Variants in GALNT13 observed in about 807,000 individuals in gnomAD.
The protein encoded by GALNT13 is polypeptide N-acetylgalactosaminyltransferase 13.
GALNT13 carries 28 observed loss-of-function variants against 64.2 expected under a neutral mutation model. The observed-to-expected ratio is 0.44, with a 90% confidence interval of 0.32 to 0.60. The LOEUF is 0.60. Ranked by LOEUF, GALNT13 falls within the 20% of genes least tolerant of loss-of-function variation. GALNT13 has a pLI of 0.05. For missense variants in GALNT13, 577 were observed against 669.8 expected, an observed-to-expected ratio of 0.86 and a Z score of 1.53; for synonymous variants, 214 against 224.6, an observed-to-expected ratio of 0.95 and a Z score of 0.42.
the GALNT13 span, among the ~76,000 whole-genome samples, chr2:153,645,367 T>C: frequency 6.6e-6 from 1 of 152,122 alleles, no homozygotes; most frequent in East Asian, 1.9e-4. Flanking sequence ...GTTTAGAACA[T>C]AGTTGATTTT....
chr2:153,872,625 G>A (rs954510941), intron 1 of GALNT13, among the ~76,000 whole-genome samples: 1 of 99,860 alleles, frequency 1.0e-5, no homozygotes, highest in Admixed American at 1.2e-4. Flanking sequence ...GTGGCGGGGG[G>A]GGGGGGGGGA....
intron 3 of GALNT13, among the ~76,000 whole-genome samples, chr2:153,953,473 C>CA (rs1692345274): frequency 6.6e-6 from 1 of 152,012 alleles, no homozygotes; most frequent in Admixed American, 6.6e-5. Flanking sequence ...GGAACTGAGA[C>CA]AAAGAGAGGG....
At chr2:153,335,983 G>A in the GALNT13 span, among the ~76,000 whole-genome samples, 1 of 152,200 alleles carries the variant, frequency 6.6e-6, no homozygotes. Context: ...TTGGGCTATG[G>A]CTTCAGAGAG....
At chr2:153,779,503 C>A in the GALNT13 span, among the ~76,000 whole-genome samples, 183 of 152,270 alleles carry the variant, frequency 1.2e-3, no homozygotes, top group African/African-American at 4.3e-3. Flanking sequence ...AAATTAAGTA[C>A]AATAGAATTA....
At chr2:153,114,742 A>G in the GALNT13 span, among the ~76,000 whole-genome samples, 1 of 152,112 alleles carries the variant, frequency 6.6e-6, no homozygotes, top group African/African-American at 2.4e-5. Context: ...GCTATCATTG[A>G]TTTGTCAATG....
At chr2:153,362,731 C>G in the GALNT13 span, among the ~76,000 whole-genome samples, 5 of 152,076 alleles carry the variant, frequency 3.3e-5, no homozygotes, top group Admixed American at 1.3e-4. Context: ...CACCCAGGTT[C>G]GTTCATAAAA....
the GALNT13 span, among the ~76,000 whole-genome samples, chr2:153,353,355 C>A: frequency 1.3e-5 from 2 of 152,112 alleles, no homozygotes; most frequent in African/African-American, 4.8e-5. Flanking sequence ...TTTTTGTCAA[C>A]TCTTTCATAT....
the GALNT13 span, among the ~76,000 whole-genome samples, chr2:153,381,674 C>T: frequency 6.6e-6 from 1 of 151,976 alleles, no homozygotes; most frequent in Non-Finnish European, 1.5e-5. Context: ...AAATATGTGT[C>T]CAAATCTTGG....
rs1701860999 is a variant in GALNT13, at chr2:154,451,253, C to G, written c.*702C>G. The G allele has an allele frequency of 6.6e-6, 1 of 152,132 alleles. No individual in the cohort carries two copies. Among genetic ancestry groups the G allele is most frequent in the Non-Finnish European group, 1.5e-5 (1 of 68,026 alleles). 9.4% of individuals were successfully genotyped at this position (152,132 alleles called of 1,614,324 possible). On this transcript the variant is annotated 3_prime_UTR_variant, in exon 13 of 13. Coordinates refer to ENST00000392825, the MANE Select transcript of GALNT13 (RefSeq NM_052917.4). Reference sequence around the variant, plus strand: ...AGTCTAATCCGCAGCACTTCGATCACTGTGAGAGAACTCAAAGTGGGTTGC... The same window carrying G: ...AGTCTAATCCGCAGCACTTCGATCAGTGTGAGAGAACTCAAAGTGGGTTGC...
chr2:153,462,712 T>C, the GALNT13 span, among the ~76,000 whole-genome samples: 10 of 152,264 alleles, frequency 6.6e-5, no homozygotes, highest in African/African-American at 2.4e-4. Context: ...CTATGCAGCC[T>C]CCACTCCCAA....
chr2:154,155,243 A>G (rs547001956), intron 4 of GALNT13, among the ~76,000 whole-genome samples: 1 of 152,192 alleles, frequency 6.6e-6, no homozygotes, highest in African/African-American at 2.4e-5. Context: ...TATTATTAAA[A>G]TAATTGTGCA....
chr2:153,106,463 A>G, the GALNT13 span, among the ~76,000 whole-genome samples: 107 of 152,240 alleles, frequency 7.0e-4, no homozygotes, highest in Admixed American at 2.4e-3. Flanking sequence ...AGAACCAGAG[A>G]GTAGTGGCTA....
At chr2:154,303,251 A>T (rs1693545999) in intron 9 of GALNT13, among the ~76,000 whole-genome samples, 1 of 151,828 alleles carries the variant, frequency 6.6e-6, no homozygotes, top group African/African-American at 2.4e-5. Flanking sequence ...CCAGAGTCGG[A>T]TGCGCGCGAT....
intron 4 of GALNT13, among the ~76,000 whole-genome samples, chr2:154,180,617 A>G (rs1259903675): frequency 6.6e-6 from 1 of 152,134 alleles, no homozygotes; most frequent in Non-Finnish European, 1.5e-5. Context: ...AAAAATCACC[A>G]TGCATAATAA....
At chr2:154,269,902 A>G (rs976049099) in intron 8 of GALNT13, among the ~76,000 whole-genome samples, 60 of 72,966 alleles carry the variant, frequency 8.2e-4, no homozygotes, top group African/African-American at 2.0e-3. Context: ...ATTTATATAT[A>G]TGTGTATATA....
chr2:153,366,720 GACACACACACAC>G, the GALNT13 span, among the ~76,000 whole-genome samples: 1,679 of 109,156 alleles, frequency 0.015, 13 homozygotes, highest in African/African-American at 0.029. Context: ...AGCACACAGG[GACACACACACAC>G]ACACACACAC....
chr2:154,090,404 T>A (rs1222486898), intron 3 of GALNT13, among the ~76,000 whole-genome samples: 2 of 152,066 alleles, frequency 1.3e-5, no homozygotes, highest in African/African-American at 4.8e-5. Context: ...ATTTTAAACA[T>A]TGTTCTAATA....
the GALNT13 span, among the ~76,000 whole-genome samples, chr2:153,448,945 T>C: frequency 6.6e-6 from 1 of 152,130 alleles, no homozygotes; most frequent in Non-Finnish European, 1.5e-5. Flanking sequence ...AGGATTAGTA[T>C]CCTTATAAGA....
At chr2:154,360,265 T>C (rs1053693163) in intron 9 of GALNT13, among the ~76,000 whole-genome samples, 2 of 152,184 alleles carry the variant, frequency 1.3e-5, no homozygotes, top group African/African-American at 4.8e-5. Flanking sequence ...AACATTTATA[T>C]CCTTGTTTAC....
Sources: gnomAD v4.1 joint callset for allele counts (sites outside exome capture counted in the v4.1 genomes callset) on GRCh38, gnomAD v4.1.1 for gene constraint, MANE v1.5 for transcripts, NCBI Gene and HGNC (gene_info 2026-07-23, HGNC 2026-07-21) for gene names.